Variants in ETFA observed in about 807,000 individuals in gnomAD.
ETFA encodes electron transfer flavoprotein subunit alpha.
A neutral mutation model predicts 46.2 loss-of-function variants in ETFA; 22 were observed. The observed-to-expected ratio is 0.48, with a 90% CI of 0.34 to 0.68. The LOEUF (loss-of-function observed/expected upper bound fraction) is 0.68. Among genes scored for constraint, ETFA ranks in the 30% least tolerant of loss-of-function variants. The pLI is 0.01. For missense variants in ETFA, 345 were observed against 401.1 expected, an observed-to-expected ratio of 0.86 and a Z score of 1.19; for synonymous variants, 131 against 139.9, an observed-to-expected ratio of 0.94 and a Z score of 0.45.
At chr15:76,270,962 G>A (rs529688829) in intron 9 of ETFA, among the ~76,000 whole-genome samples, 4 of 152,150 alleles carry the variant, frequency 2.6e-5, no homozygotes, top group East Asian at 1.9e-4. Flanking sequence ...TTGAGGCCAG[G>A]GGTTCCAGAC....
chr15:76,310,213 T>G (rs902710578), intron 1 of ETFA: 1 of 153,870 alleles, frequency 6.5e-6, no homozygotes, highest in Non-Finnish European at 1.4e-5. Context: ...GCCACTGCAC[T>G]CCACTCCAGC....
intron 4 of ETFA, among the ~76,000 whole-genome samples, chr15:76,289,696 C>G (rs1221778207): frequency 2.0e-5 from 3 of 152,130 alleles, no homozygotes; most frequent in Non-Finnish European, 2.9e-5. Context: ...TTCTAGCAGA[C>G]AAGTATAAAA....
chr15:76,234,610 G>T (rs1220686561), intron 9 of ETFA, among the ~76,000 whole-genome samples: 1 of 152,106 alleles, frequency 6.6e-6, no homozygotes, highest in Admixed American at 6.5e-5. Context: ...ACAGAAAGAA[G>T]GAGGGAGAGT....
chr15:76,311,390 G>T lies in ETFA; in HGVS notation c.-2C>A, dbSNP rs901210056. The T allele has an allele frequency of 2.6e-6, 4 of 1,562,292 alleles. No homozygotes were observed. The highest frequency in any genetic ancestry group is 1.9e-5 in the Admixed American group (1 of 52,754). ...CCCCGGAGCCGCCGCTCGGAACATG[G>T]TCTCCGCTTCCGCCGCAACCTCGGC... is the stretch of plus-strand genomic sequence containing the variant. On this transcript the variant is annotated 5_prime_UTR_variant, in exon 1 of 12. Transcript: ENST00000557943.
intron 2 of ETFA, among the ~76,000 whole-genome samples, chr15:76,293,262 T>C (rs2039785292): frequency 6.6e-6 from 1 of 152,226 alleles, no homozygotes; most frequent in Non-Finnish European, 1.5e-5. Context: ...AATTCCTGCC[T>C]TGAAAAAGAA....
chr15:76,261,810 C>T (rs1471389705), intron 9 of ETFA: 1 of 177,480 alleles, frequency 5.6e-6, no homozygotes, highest in Non-Finnish European at 1.2e-5. Flanking sequence ...ACTCAGTAAA[C>T]CATTATTTTC....
chr15:76,250,196 T>G (rs1354930758), intron 9 of ETFA, among the ~76,000 whole-genome samples: 1 of 145,746 alleles, frequency 6.9e-6, no homozygotes, highest in Non-Finnish European at 1.5e-5. Context: ...TTAACAAAGA[T>G]GAACCTCACA....
chr15:76,223,746 G>T (rs1176299648), intron 11 of ETFA, among the ~76,000 whole-genome samples: 1 of 152,154 alleles, frequency 6.6e-6, no homozygotes, highest in African/African-American at 2.4e-5. Context: ...TTCTCACTGA[G>T]AAACCTCCGT....
chr15:76,289,742 A>G (rs1275867537), intron 4 of ETFA, among the ~76,000 whole-genome samples: 1 of 152,232 alleles, frequency 6.6e-6, no homozygotes, highest in Non-Finnish European at 1.5e-5. Context: ...GTGAAGGACT[A>G]TCATACAGCA....
chr15:76,263,783 C>T (rs184127093), intron 9 of ETFA, among the ~76,000 whole-genome samples: 3 of 152,110 alleles, frequency 2.0e-5, no homozygotes, highest in African/African-American at 4.8e-5. Context: ...AAGAGGAGGA[C>T]GAGTGTAAAA....
intron 9 of ETFA, among the ~76,000 whole-genome samples, chr15:76,268,454 T>C (rs1166524425): frequency 1.3e-5 from 2 of 152,108 alleles, no homozygotes; most frequent in African/African-American, 4.8e-5. Context: ...CCCCATAACA[T>C]GGGACAGATC....
At chr15:76,244,403 A>G (rs2039224625) in intron 9 of ETFA, among the ~76,000 whole-genome samples, 1 of 152,222 alleles carries the variant, frequency 6.6e-6, no homozygotes, top group African/African-American at 2.4e-5. Context: ...CCTGTCTCAA[A>G]TACTATTTCC....
intron 9 of ETFA, among the ~76,000 whole-genome samples, chr15:76,251,634 A>G (rs1219510698): frequency 6.6e-6 from 1 of 152,162 alleles, no homozygotes; most frequent in Non-Finnish European, 1.5e-5. Flanking sequence ...GTCTCAGGAA[A>G]ATGAGAAAGG....
At chr15:76,272,992 C>A (rs977402659) in intron 9 of ETFA, among the ~76,000 whole-genome samples, 2 of 151,820 alleles carry the variant, frequency 1.3e-5, no homozygotes, top group East Asian at 3.9e-4. Context: ...AGCTTTAAAT[C>A]TTCTTTTCTG....
chr15:76,309,335 C>T (rs2039967326), intron 1 of ETFA, among the ~76,000 whole-genome samples: 1 of 152,150 alleles, frequency 6.6e-6, no homozygotes, highest in South Asian at 2.1e-4. Flanking sequence ...CCTGTAGTCC[C>T]AGCTACTCAG....
intron 9 of ETFA, among the ~76,000 whole-genome samples, chr15:76,234,282 T>C (rs957084739): frequency 2.6e-5 from 4 of 152,168 alleles, no homozygotes; most frequent in Non-Finnish European, 5.9e-5. Flanking sequence ...AGAGGCTTTT[T>C]CCCTCCTTTT....
At chr15:76,259,933 C>T in intron 9 of ETFA, 1 of 1,224,188 alleles carries the variant, frequency 8.2e-7, no homozygotes, top group Non-Finnish European at 1.2e-6. Context: ...TAGCCCTGCT[C>T]CAGAGGCTCA....
chr15:76,300,511 A>G (rs1345837014), intron 1 of ETFA, among the ~76,000 whole-genome samples: 1 of 152,118 alleles, frequency 6.6e-6, no homozygotes, highest in Non-Finnish European at 1.5e-5. Flanking sequence ...CAATGCCAAT[A>G]TCCTAGTGCA....
At chr15:76,288,920 C>CTTCTTTTT (rs1225461781) in intron 4 of ETFA, among the ~76,000 whole-genome samples, 200 of 110,074 alleles carry the variant, frequency 1.8e-3, no homozygotes, top group African/African-American at 6.4e-3. Context: ...TCTTCTTCTT[C>CTTCTTTTT]TTTTTTTTTT....
Sources: allele counts gnomAD v4.1 joint callset (sites outside exome capture counted in the v4.1 genomes callset), GRCh38; gene constraint gnomAD v4.1.1; transcripts MANE v1.5; gene names NCBI Gene and HGNC (gene_info 2026-07-23, HGNC 2026-07-21).